The following FAM20C variants were observed in gnomAD, a reference collection of about 807,000 sequenced individuals.
FAM20C encodes extracellular serine/threonine protein kinase FAM20C.
In FAM20C, 40 loss-of-function variants were observed where a neutral mutation model predicts 51.5. The observed-to-expected ratio is 0.78, with a 90% CI of 0.60 to 1.01. The LOEUF is 1.01. Among genes scored for constraint, FAM20C ranks in the 50% least tolerant of loss-of-function variants. FAM20C has a pLI of 0.00. For synonymous variants in FAM20C, 406 were observed against 380.6 expected (o/e 1.07, Z -0.78); for missense variants, 861 against 844.7 (o/e 1.02, Z -0.24).
At chr7:252,905 C>T (rs751788682) in intron 5 of FAM20C, among the ~76,000 whole-genome samples, 6 of 152,260 alleles carry the variant, frequency 3.9e-5, no homozygotes, top group East Asian at 3.9e-4. Flanking sequence ...ACGTTGCAAA[C>T]GTCCCAGAGG....
At chr7:206,424 C>A (rs1016530009) in intron 2 of FAM20C, among the ~76,000 whole-genome samples, 1 of 151,700 alleles carries the variant, frequency 6.6e-6, no homozygotes, top group African/African-American at 2.4e-5. Flanking sequence ...GCTGGCTCAC[C>A]AGCCCCCATC....
At chr7:204,277 G>T (rs1294141271) in intron 2 of FAM20C, among the ~76,000 whole-genome samples, 1 of 152,206 alleles carries the variant, frequency 6.6e-6, no homozygotes, top group African/African-American at 2.4e-5. Context: ...GCCTCGAGCT[G>T]CTGGCCCGCC....
intron 3 of FAM20C, among the ~76,000 whole-genome samples, chr7:213,807 A>T (rs1786837993): frequency 1.3e-5 from 2 of 149,144 alleles, no homozygotes; most frequent in Non-Finnish European, 3.0e-5. Flanking sequence ...CAGTTTCTCC[A>T]CCTCCTCGTC....
chr7:225,904 ATGG>A lies in FAM20C; in HGVS notation c.863+16929_863+16931del, dbSNP rs1295157575. Among the ~76,000 whole-genome samples the A allele has an allele frequency of 3.1e-3, 89 of 28,582 alleles. 17 individuals are homozygous for A. The highest frequency in any genetic ancestry group is 7.9e-3 in the African/African-American group (55 of 6,968). 18.8% of individuals were successfully genotyped at this position (28,582 alleles called of 152,430 possible). A position where few individuals can be genotyped will look rare whatever the true frequency, so the allele number is the denominator to read the frequency against. ...CCTGAGTCTTCTCTCACTGAGCAGAATGGCACCGTCACGGGGTCGCACGGCGGC... is the reference window on the plus strand; with the variant it reads ...CCTGAGTCTTCTCTCACTGAGCAGAACACCGTCACGGGGTCGCACGGCGGC... On this transcript the variant is annotated intron_variant, in intron 3 of 9. Transcript: ENST00000313766.
At chr7:204,856 A>C in intron 2 of FAM20C, among the ~76,000 whole-genome samples, 1 of 151,614 alleles carries the variant, frequency 6.6e-6, no homozygotes, top group East Asian at 1.9e-4. Context: ...CAGGGAGGGG[A>C]AGTGGCACCT....
chr7:257,037 G>T lies in FAM20C; in HGVS notation c.1396G>T (p.Glu466Ter). The T allele has an allele frequency of 6.5e-7, 1 of 1,537,126 alleles. No homozygotes were observed. The change falls in exon 8 of 10, where the codon GAG (glutamate) becomes TAG (stop). Residue 466 changes from glutamate to a stop codon, truncating the protein, a stop_gained. Coordinates refer to ENST00000313766, the MANE Select transcript of FAM20C (RefSeq NM_020223.4). LOFTEE classifies it high-confidence loss of function. ...GGACCGTCACCACTACGAGACTTTT[G>T]AGAAGTTTGGGAATGAAACGTTCAT... ...NMDRHHYETF[E>*]KFGNETFIIH... is the part of the protein sequence containing the mutation.
intron 3 of FAM20C, chr7:229,006 A>C (rs1213572659): frequency 2.7e-6 from 1 of 364,190 alleles, no homozygotes; most frequent in African/African-American, 2.1e-5. Flanking sequence ...TAGTCGGGCC[A>C]CACCCTGCCC....
rs1488878478 is a variant in FAM20C at position 216,678 on chromosome 7, T to TGA, written c.863+7703_863+7704insAG. On this transcript the variant is annotated intron_variant, in intron 3 of 9. Coordinates refer to ENST00000313766, the MANE Select transcript of FAM20C (RefSeq NM_020223.4). ...GTGTGTGTGTGAGAGACAGAGTGTG[T>TGA]GTGAGAGTGTGTGTGTGTGTGAGAC... Among the ~76,000 whole-genome samples, 442 of 110,342 alleles carry TGA rather than the reference T, an allele frequency of 4.0e-3. 1 individual carries two copies. The highest frequency in any genetic ancestry group is 7.3e-3 in the African/African-American group (220 of 30,160). 72.4% of individuals were successfully genotyped at this position (110,342 alleles called of 152,430 possible). A position where few individuals can be genotyped will look rare whatever the true frequency, so the allele number is the denominator to read the frequency against.
At chr7:246,629 CCGG>C in intron 4 of FAM20C, 122 bp downstream of exon 4, 1 of 439,706 alleles carries the variant, frequency 2.3e-6, no homozygotes, top group African/African-American at 2.9e-5. Flanking sequence ...TCAGGCAGCG[CCGG>C]TGCCTGCTCT....
chr7:203,941 C>T (rs1786237887), intron 2 of FAM20C, among the ~76,000 whole-genome samples: 1 of 152,180 alleles, frequency 6.6e-6, no homozygotes, highest in African/African-American at 2.4e-5. Flanking sequence ...CTTAATCCGG[C>T]TACTAATTTT....
chr7:227,982 G>A (rs527496180), intron 3 of FAM20C: 1 of 157,652 alleles, frequency 6.3e-6, no homozygotes, highest in East Asian at 1.8e-4. Flanking sequence ...ACGTTGAAGA[G>A]CTGGCGCAGA....
chr7:242,455 G>A (rs949113597), intron 3 of FAM20C, among the ~76,000 whole-genome samples: 52 of 152,160 alleles, frequency 3.4e-4, no homozygotes, highest in Non-Finnish European at 4.7e-4. Context: ...AGCAGAAGGA[G>A]GAGGGTGGGA....
intron 4 of FAM20C, among the ~76,000 whole-genome samples, chr7:247,255 G>A (rs1788202974): frequency 6.6e-6 from 1 of 152,210 alleles, no homozygotes; most frequent in South Asian, 2.1e-4. Context: ...TGGGAAAGTG[G>A]GGGGTCCGTG....
Position 199,466 on chromosome 7 carries a change from C to A in FAM20C, c.784+3734C>A, listed in dbSNP as rs1425218984. Among the ~76,000 whole-genome samples the A allele has an allele frequency of 2.0e-5, 3 of 152,246 alleles. No homozygotes were observed. The East Asian group carries it at 5.8e-4, about 29-fold the overall frequency. On this transcript the variant is annotated intron_variant, in intron 2 of 9. Transcript: ENST00000313766. ...CGTGCTCCAGGCTCTGAGTTCTGTC[C>A]CCTCAGCTGTCCGGCCCCTGGGTGC...
intron 2 of FAM20C, among the ~76,000 whole-genome samples, chr7:208,299 C>T (rs550002385): frequency 3.6e-4 from 55 of 151,224 alleles, no homozygotes; most frequent in African/African-American, 1.1e-3. Flanking sequence ...CTGGCCGTCC[C>T]GTCGAGATTA....
At position 193,548 on chromosome 7, in the gene FAM20C, GCCGAGCGCGC is replaced by G. The variant is rs1184325482; in HGVS notation, c.351_360del (p.Glu118CysfsTer9). The G allele has an allele frequency of 6.7e-7, 1 of 1,494,760 alleles. No individual in the cohort carries two copies. The highest frequency in any genetic ancestry group is 8.9e-7 in the Non-Finnish European group (1 of 1,119,352). 92.6% of individuals were successfully genotyped at this position (1,494,760 alleles called of 1,614,324 possible). On this transcript the variant is annotated frameshift_variant, in exon 1 of 10. Transcript: ENST00000313766. LOFTEE classifies it high-confidence loss of function. ...GAAACTGCCGCCCGCGGCCGAGCCGGCCGAGCGCGCCTTGCGGGGGCGGGATCCCGGCGCC... is the reference window on the plus strand; with the variant it reads ...GAAACTGCCGCCCGCGGCCGAGCCGGCTTGCGGGGGCGGGATCCCGGCGCC...
chr7:211,903 C>G (rs1786737713), intron 3 of FAM20C, among the ~76,000 whole-genome samples: 1 of 152,122 alleles, frequency 6.6e-6, no homozygotes, highest in African/African-American at 2.4e-5. Context: ...GAACCTTTTG[C>G]AAACCTCCCA....
chr7:235,157 G>C (rs1787811317), intron 3 of FAM20C, among the ~76,000 whole-genome samples: 2 of 152,058 alleles, frequency 1.3e-5, no homozygotes, highest in South Asian at 4.2e-4. Context: ...ACTGAGCCCA[G>C]GCTGCGGCAT....
chr7:228,404 C>G (rs1013395275), intron 3 of FAM20C: 4 of 452,528 alleles, frequency 8.8e-6, no homozygotes, highest in Admixed American at 7.1e-5. Context: ...ACTCAGGCCC[C>G]TCTGCTGGGT....
Sources: gnomAD v4.1 joint callset for allele counts (sites outside exome capture counted in the v4.1 genomes callset) on GRCh38, gnomAD v4.1.1 for gene constraint, MANE v1.5 for transcripts, NCBI Gene and HGNC (gene_info 2026-07-23, HGNC 2026-07-21) for gene names.